Variants in TBC1D21 observed in about 807,000 individuals in gnomAD.
TBC1D21 encodes the protein TBC1 domain family member 21.
Under a neutral mutation model 46.0 loss-of-function variants are expected in TBC1D21, and 38 were observed. That is an observed-to-expected ratio of 0.83 (90% CI 0.64 to 1.08). The LOEUF (loss-of-function observed/expected upper bound fraction) is 1.08, where lower values mean the gene tolerates loss of function less well. Among genes scored for constraint, TBC1D21 ranks in the 50% least tolerant of loss-of-function variants. The probability of loss-of-function intolerance (pLI) is 0.00; values close to 1 mark genes in which losing one functional copy is unlikely to be tolerated. For synonymous variants in TBC1D21, 151 were observed against 157.2 expected, an observed-to-expected ratio of 0.96 and a Z score of 0.29; for missense variants, 415 against 417.9, an observed-to-expected ratio of 0.99 and a Z score of 0.06.
chr15:73,898,880 A>AAAAAAAAAATATATATATATATATATAT, the TBC1D21 span, among the ~76,000 whole-genome samples: 12 of 56,784 alleles, frequency 2.1e-4, no homozygotes, highest in Non-Finnish European at 3.4e-4. Context: ...AAAAAAAAAA[A>AAAAAAAAAATATATATATATATATATAT]ATATATATAT....
At position 73,876,229 on chromosome 15, in the gene TBC1D21, T is replaced by TG. The variant is rs1474848349; in HGVS notation, c.60+2460_60+2461insG. On this transcript the variant is annotated intron_variant, in intron 1 of 10. Coordinates refer to ENST00000300504, the MANE Select transcript of TBC1D21 (RefSeq NM_153356.3). ...TTTTTTTTTTTTTTTTTTTTTTTTT[T>TG]TTTTTTTTTTTTTTTTGAGACGGAG... Among the ~76,000 whole-genome samples, 220 of 105,590 alleles carry TG rather than the reference T, an allele frequency of 2.1e-3. 22 individuals are homozygous for TG. Among genetic ancestry groups the TG allele is most frequent in the South Asian group, 0.012 (33 of 2,788 alleles). 69.3% of individuals were successfully genotyped at this position (105,590 alleles called of 152,430 possible).
chr15:73,888,603 C>G, intron 10 of TBC1D21, 90 bp downstream of exon 10: 1 of 726,546 alleles, frequency 1.4e-6, no homozygotes, highest in African/African-American at 2.0e-5. Flanking sequence ...CCTCCTCCTC[C>G]TCTTCTTCCT....
At chr15:73,874,330 C>A (rs950842552) in intron 1 of TBC1D21, among the ~76,000 whole-genome samples, 1 of 152,166 alleles carries the variant, frequency 6.6e-6, no homozygotes, top group Non-Finnish European at 1.5e-5. Flanking sequence ...AATGTTACTG[C>A]TTTATGGCAA....
the TBC1D21 span, among the ~76,000 whole-genome samples, chr15:73,898,075 T>C: frequency 1.3e-5 from 2 of 152,130 alleles, no homozygotes; most frequent in Admixed American, 1.3e-4. Context: ...AGCTGAGTCA[T>C]CTCCCCGAAT....
rs1595826851 is a variant in TBC1D21 at position 73,887,746 on chromosome 15, C to G, written c.894+10C>G. 2 of 1,609,402 alleles carry G rather than the reference C, an allele frequency of 1.2e-6. No homozygotes were observed. The highest frequency in any genetic ancestry group is 1.7e-5 in the Admixed American group (1 of 59,950). On this transcript the variant is annotated intron_variant, in intron 9 of 10. Transcript: ENST00000300504. ...GGATGACATCCTCCTGGTGAGAGCA[C>G]CCTCGGGCAAGCTACCACCCCTGCT...
chr15:73,884,886 A>G lies in TBC1D21; in HGVS notation c.473A>G (p.Gln158Arg). ...CTCCTGAGTTACGTCTGCAACACGC[A>G]GGCAGGTGAGCCTCAGCCTCCCCTT... is the stretch of plus-strand genomic sequence containing the variant. Reference protein sequence around the residue: ...ILLLSYVCNTQAEYQQGFHEM... With the variant: ...ILLLSYVCNTRAEYQQGFHEM... The change falls in exon 5 of 11, where the codon CAG becomes CGG. Residue 158 changes from glutamine to arginine, a missense_variant. Gln to Arg is a conservative substitution (Grantham distance 43). Coordinates refer to ENST00000300504, the MANE Select transcript of TBC1D21 (RefSeq NM_153356.3). 2 of 1,613,904 alleles carry G rather than the reference A, an allele frequency of 1.2e-6. No individual in the cohort carries two copies. The highest frequency in any genetic ancestry group is 1.7e-6 in the Non-Finnish European group (2 of 1,179,834).
downstream of TBC1D21, among the ~76,000 whole-genome samples, chr15:73,889,592 C>A (rs148135439): frequency 8.5e-5 from 13 of 152,354 alleles, no homozygotes; most frequent in African/African-American, 3.1e-4. Context: ...ATCAATCACA[C>A]AATTAAGTCA....
downstream of TBC1D21, among the ~76,000 whole-genome samples, chr15:73,892,989 T>C (rs1361667387): frequency 6.6e-6 from 1 of 152,070 alleles, no homozygotes; most frequent in African/African-American, 2.4e-5. Flanking sequence ...TGTGATGTCA[T>C]TTATGATGGT....
the TBC1D21 span, among the ~76,000 whole-genome samples, chr15:73,902,250 G>T: frequency 6.6e-6 from 1 of 152,190 alleles, no homozygotes; most frequent in Non-Finnish European, 1.5e-5. Context: ...GCAGCTGCCT[G>T]CCTGCCGTGG....
intron 1 of TBC1D21, among the ~76,000 whole-genome samples, 153 bp from the exon 2 acceptor site, chr15:73,881,246 A>G (rs1166039719): frequency 6.6e-6 from 1 of 152,244 alleles, no homozygotes; most frequent in Non-Finnish European, 1.5e-5. Context: ...TTTTTTCTAT[A>G]TATTTTCAGT....
At chr15:73,896,379 C>A in the TBC1D21 span, among the ~76,000 whole-genome samples, 4 of 110,266 alleles carry the variant, frequency 3.6e-5, no homozygotes, top group Admixed American at 9.9e-5. Flanking sequence ...AATGGCAGGT[C>A]GTGGTGGTAA....
chr15:73,885,059 G>T lies in TBC1D21; in HGVS notation c.535G>T (p.Asp179Tyr). ...MMLFQLMVEHDHETFWLFQFF... is the reference protein window; with the variant it reads ...MMLFQLMVEHYHETFWLFQFF... Reference sequence around the variant, plus strand: ...GCTCTTCCAGCTGATGGTGGAGCACGACCACGAGACCTTCTGGCTTTTCCA... The same window carrying T: ...GCTCTTCCAGCTGATGGTGGAGCACTACCACGAGACCTTCTGGCTTTTCCA... The change falls in exon 6 of 11, where the codon GAC (aspartate) becomes TAC (tyrosine). Residue 179 changes from aspartate (D) to tyrosine (Y), a missense_variant. Coordinates refer to ENST00000300504, the MANE Select transcript of TBC1D21 (RefSeq NM_153356.3). 6.2e-7 allele frequency: 1 copy of T among 1,612,132 alleles called. No homozygotes were observed. The highest frequency in any genetic ancestry group is 1.1e-5 in the South Asian group (1 of 90,968).
At chr15:73,884,664 C>A (rs1567066919) in intron 4 of TBC1D21, 117 bp from the exon 5 acceptor site, 1 of 694,958 alleles carries the variant, frequency 1.4e-6, no homozygotes, top group East Asian at 2.7e-5. Flanking sequence ...CCTTTCACAG[C>A]TCCCTCTCCC....
downstream of TBC1D21, among the ~76,000 whole-genome samples, chr15:73,889,880 G>A (rs556049769): frequency 2.2e-4 from 33 of 152,308 alleles, no homozygotes; most frequent in African/African-American, 7.2e-4. Flanking sequence ...CTGAGCCCCT[G>A]TCCAGCCTGC....
chr15:73,907,063 C>T, the TBC1D21 span, among the ~76,000 whole-genome samples: 1 of 152,286 alleles, frequency 6.6e-6, no homozygotes, highest in South Asian at 2.1e-4. Flanking sequence ...CAGCAGACAA[C>T]TGGGCATCTC....
chr15:73,886,207 A>AC (rs750320687), intron 7 of TBC1D21, 33 bp downstream of exon 7: 102 of 1,587,446 alleles, frequency 6.4e-5, no homozygotes, highest in Admixed American at 1.8e-4. Flanking sequence ...CACCTCACGC[A>AC]CCCCCCAGGC....
intron 8 of TBC1D21, among the ~76,000 whole-genome samples, chr15:73,887,157 C>T (rs918203140): frequency 6.6e-6 from 1 of 152,228 alleles, no homozygotes; most frequent in Non-Finnish European, 1.5e-5. Context: ...CAACCATCCA[C>T]CTGGCATGTA....
chr15:73,900,313 C>T, the TBC1D21 span, among the ~76,000 whole-genome samples: 1 of 152,210 alleles, frequency 6.6e-6, no homozygotes, highest in Non-Finnish European at 1.5e-5. Context: ...GTGCCCGGCG[C>T]GGGCTGGGTT....
At chr15:73,887,795 C>T in intron 9 of TBC1D21, 59 bp downstream of exon 9, 1 of 1,444,394 alleles carries the variant, frequency 6.9e-7, no homozygotes, top group East Asian at 2.3e-5. Flanking sequence ...ACACCCCACC[C>T]CACCCCAGCT....
Sources: gnomAD v4.1 joint callset for allele counts (sites outside exome capture counted in the v4.1 genomes callset) on GRCh38, gnomAD v4.1.1 for gene constraint, MANE v1.5 for transcripts, NCBI Gene and HGNC (gene_info 2026-07-23, HGNC 2026-07-21) for gene names.